Variants in RBFOX3 observed in about 807,000 individuals in gnomAD.
RBFOX3 encodes RNA binding protein fox-1 homolog 3.
A neutral mutation model predicts 48.7 loss-of-function variants in RBFOX3; 17 were observed. The ratio of observed to expected loss-of-function variants is 0.35; its 90% CI spans 0.24 to 0.52. The LOEUF is 0.52. Ranked by LOEUF, RBFOX3 falls within the 20% of genes least tolerant of loss-of-function variation. RBFOX3 has a pLI of 0.94. For synonymous variants in RBFOX3, 212 were observed against 209.5 expected, an observed-to-expected ratio of 1.01 and a Z score of -0.10; for missense variants, 382 against 497.5, an observed-to-expected ratio of 0.77 and a Z score of 2.21.
At chr17:79,637,272 G>T in the RBFOX3 span, among the ~76,000 whole-genome samples, 1 of 152,042 alleles carries the variant, frequency 6.6e-6, no homozygotes, top group African/African-American at 2.4e-5. Context: ...TAAGGAAACA[G>T]CAAAACTAAG....
At chr17:79,584,747 C>A (rs1840383327) in intron 1 of RBFOX3, among the ~76,000 whole-genome samples, 1 of 146,848 alleles carries the variant, frequency 6.8e-6, no homozygotes. Context: ...GAATGATACA[C>A]TGGATTTTTT....
intron 3 of RBFOX3, among the ~76,000 whole-genome samples, chr17:79,282,340 T>G (rs1600398734): frequency 6.6e-6 from 1 of 152,244 alleles, no homozygotes; most frequent in Non-Finnish European, 1.5e-5. Flanking sequence ...AAAACTTCCA[T>G]GTCAAAATGT....
At chr17:79,139,979 G>T (rs1422500857) in intron 4 of RBFOX3, among the ~76,000 whole-genome samples, 2 of 152,158 alleles carry the variant, frequency 1.3e-5, no homozygotes, top group Non-Finnish European at 2.9e-5. Flanking sequence ...AAGGGGCAGG[G>T]CCAGGCCTGG....
At chr17:79,509,072 T>C (rs2149821629) in intron 1 of RBFOX3, among the ~76,000 whole-genome samples, 1 of 152,226 alleles carries the variant, frequency 6.6e-6, no homozygotes, top group Middle Eastern at 3.4e-3. Context: ...ACTAGTATTG[T>C]AACAGCGTTC....
rs1568165393 is a variant in RBFOX3 at position 79,390,041 on chromosome 17, TCCAGGTCTCCGCAGCCG to T, written c.-174-82234_-174-82218del. Among the ~76,000 whole-genome samples the T allele has an allele frequency of 4.6e-4, 25 of 54,186 alleles. No individual in the cohort carries two copies. Among genetic ancestry groups the T allele is most frequent in the African/African-American group, 1.9e-3 (24 of 12,930 alleles). The allele number at this position is 54,186 out of a possible 152,430, so 35.5% of individuals were successfully genotyped here. ...CCGCAGCCTCCAGGTCTCCGTAGCC[TCCAGGTCTCCGCAGCCG>T]CCGGGTCTCCGCAGCCTCCGGGTCT... On this transcript the variant is annotated intron_variant, in intron 2 of 14. Transcript: ENST00000693108. This position sits in a 1 kb window ranked among gnomAD's most constrained non-coding sequence, Gnocchi z 4.2.
chr17:79,215,516 T>C (rs1359804718), intron 4 of RBFOX3, among the ~76,000 whole-genome samples: 1 of 152,186 alleles, frequency 6.6e-6, no homozygotes, highest in Non-Finnish European at 1.5e-5. Flanking sequence ...GCCTCTCCCC[T>C]TTCCAGGGCA....
At chr17:79,549,888 G>A (rs1555793099) in intron 1 of RBFOX3, among the ~76,000 whole-genome samples, 1 of 152,204 alleles carries the variant, frequency 6.6e-6, no homozygotes, top group African/African-American at 2.4e-5. Context: ...GTGATATGAT[G>A]GATGAAGCAG....
intron 3 of RBFOX3, among the ~76,000 whole-genome samples, chr17:79,253,362 C>T (rs1253287163): frequency 6.6e-6 from 1 of 152,102 alleles, no homozygotes; most frequent in Admixed American, 6.6e-5. Flanking sequence ...AAAAAGTCTG[C>T]CTCCCCGCCC....
intron 3 of RBFOX3, among the ~76,000 whole-genome samples, chr17:79,256,820 G>A (rs947866397): frequency 1.3e-5 from 2 of 152,120 alleles, no homozygotes; most frequent in African/African-American, 4.8e-5. Flanking sequence ...CTCGTGGGGG[G>A]CTGAGGCAGG....
chr17:79,134,910 G>C (rs1599598345), intron 4 of RBFOX3: 1 of 152,418 alleles, frequency 6.6e-6, no homozygotes, highest in East Asian at 1.9e-4. Context: ...CATGGGAAAG[G>C]CCACCTGGGC....
chr17:79,389,755 C>A (rs944745179), intron 2 of RBFOX3, among the ~76,000 whole-genome samples: 2 of 152,190 alleles, frequency 1.3e-5, no homozygotes, highest in Admixed American at 6.5e-5. Context: ...ACTTGGGGAA[C>A]CAGTGCTCAG....
intron 4 of RBFOX3, among the ~76,000 whole-genome samples, chr17:79,161,241 T>C (rs986432803): frequency 6.6e-6 from 1 of 151,944 alleles, no homozygotes; most frequent in South Asian, 2.1e-4. Context: ...CAAGAGTGAG[T>C]GAGCCAAGGA....
intron 3 of RBFOX3, among the ~76,000 whole-genome samples, chr17:79,294,467 C>A (rs528116749): frequency 1.8e-4 from 28 of 152,264 alleles, no homozygotes; most frequent in Admixed American, 1.2e-3. Context: ...CCTGCCACCA[C>A]GCCCAGCTAA....
intron 4 of RBFOX3, among the ~76,000 whole-genome samples, chr17:79,116,530 C>A (rs1252956346): frequency 6.6e-6 from 1 of 152,216 alleles, no homozygotes; most frequent in East Asian, 1.9e-4. Context: ...TAATTTTAAG[C>A]CTCAGTTTTG....
At chr17:79,305,019 G>C (rs772967134) in intron 3 of RBFOX3, among the ~76,000 whole-genome samples, 1 of 152,228 alleles carries the variant, frequency 6.6e-6, no homozygotes, top group Non-Finnish European at 1.5e-5. Flanking sequence ...CGTGCTTAGA[G>C]GGCCGGGTGG....
chr17:79,513,870 T>C (rs1484811865), intron 1 of RBFOX3, among the ~76,000 whole-genome samples: 4 of 152,178 alleles, frequency 2.6e-5, no homozygotes, highest in Admixed American at 2.6e-4. Context: ...GTGGTTGGCC[T>C]TCTGGGCCTG....
intron 2 of RBFOX3, among the ~76,000 whole-genome samples, chr17:79,458,269 G>C (rs1181450059): frequency 2.0e-5 from 3 of 152,188 alleles, no homozygotes; most frequent in African/African-American, 7.2e-5. Context: ...TTTGTTTTTT[G>C]TTGGGAAATA....
chr17:79,427,776 C>G (rs2067655767), intron 2 of RBFOX3, among the ~76,000 whole-genome samples: 2 of 152,276 alleles, frequency 1.3e-5, no homozygotes, highest in African/African-American at 4.8e-5. Context: ...TGCACACGCA[C>G]AGATGCGCAC....
At chr17:79,396,699 C>T (rs2062032593) in intron 2 of RBFOX3, among the ~76,000 whole-genome samples, 1 of 152,232 alleles carries the variant, frequency 6.6e-6, no homozygotes, top group African/African-American at 2.4e-5. Flanking sequence ...GTAGGCCCAC[C>T]TACTGCTCGG....
Sources: allele counts gnomAD v4.1 joint callset (sites outside exome capture counted in the v4.1 genomes callset), GRCh38; gene constraint gnomAD v4.1.1; non-coding constraint Gnocchi (gnomAD v3.1); transcripts MANE v1.5; gene names NCBI Gene and HGNC (gene_info 2026-07-23, HGNC 2026-07-21).